Variants in GPBP1 observed in about 807,000 individuals in gnomAD.
GPBP1 encodes vasculin.
Under a neutral mutation model 56.5 loss-of-function variants are expected in GPBP1, and 13 were observed. That is an observed-to-expected ratio of 0.23 (90% CI 0.15 to 0.37). The LOEUF (loss-of-function observed/expected upper bound fraction) is 0.37, where lower values mean the gene tolerates loss of function less well. Among genes scored for constraint, GPBP1 ranks in the 10% least tolerant of loss-of-function variants. The pLI is 1.00. For missense variants in GPBP1, 477 were observed against 572.3 expected (o/e 0.83, Z 1.70); for synonymous variants, 204 against 188.9 (o/e 1.08, Z -0.66).
intron 3 of GPBP1, among the ~76,000 whole-genome samples, chr5:57,219,481 G>C (rs936357462): frequency 1.9e-4 from 28 of 149,976 alleles, no homozygotes; most frequent in Non-Finnish European, 1.5e-5. Flanking sequence ...AAAAAAAAAG[G>C]TACTTGAAAT....
intron 2 of GPBP1, among the ~76,000 whole-genome samples, chr5:57,179,890 C>T (rs1281697523): frequency 1.3e-5 from 2 of 152,104 alleles, no homozygotes; most frequent in Non-Finnish European, 1.5e-5. Flanking sequence ...AGCCACTGGG[C>T]CCGGCCCCTT....
chr5:57,247,955 C>G (rs1480202534), intron 8 of GPBP1, among the ~76,000 whole-genome samples: 1 of 152,098 alleles, frequency 6.6e-6, no homozygotes, highest in African/African-American at 2.4e-5. Context: ...GTTGTCCAGG[C>G]TGGTCTCAAA....
chr5:57,186,210 A>G (rs1754278889), intron 2 of GPBP1, among the ~76,000 whole-genome samples: 1 of 152,030 alleles, frequency 6.6e-6, no homozygotes. Flanking sequence ...CAGCCTGGGC[A>G]ACATACTAAG....
intron 3 of GPBP1, among the ~76,000 whole-genome samples, chr5:57,221,907 A>G (rs1219291142): frequency 6.6e-6 from 1 of 152,240 alleles, no homozygotes; most frequent in Non-Finnish European, 1.5e-5. Flanking sequence ...GTACATAGCC[A>G]GATTTCATTG....
intron 6 of GPBP1, among the ~76,000 whole-genome samples, chr5:57,244,107 G>C (rs534671204): frequency 5.9e-5 from 9 of 152,178 alleles, no homozygotes; most frequent in Non-Finnish European, 8.8e-5. Flanking sequence ...AATTAGTAAG[G>C]ATCTTTTGAA....
intron 2 of GPBP1, among the ~76,000 whole-genome samples, chr5:57,189,004 T>TCTG (rs570610410): frequency 0.015 from 2,236 of 152,210 alleles, 124 homozygotes; most frequent in East Asian, 0.087. Flanking sequence ...CTGTCTGTCT[T>TCTG]TCTTTGCGAC....
chr5:57,215,786 C>T (rs201257103), intron 3 of GPBP1, among the ~76,000 whole-genome samples: 19 of 151,674 alleles, frequency 1.3e-4, no homozygotes, highest in African/African-American at 4.1e-4. Flanking sequence ...CATTACTCCA[C>T]GTGCTAGGTG....
At chr5:57,244,416 A>C (rs1740988463) in intron 6 of GPBP1, among the ~76,000 whole-genome samples, 1 of 152,214 alleles carries the variant, frequency 6.6e-6, no homozygotes, top group South Asian at 2.1e-4. Context: ...ATTGAACTAG[A>C]AGTCTCTGTT....
In GPBP1 at chr5:57,214,065, A is replaced by T; in HGVS notation, c.-57-9A>T. The T allele has an allele frequency of 7.4e-7, 1 of 1,342,420 alleles. No individual in the cohort carries two copies. The highest frequency in any genetic ancestry group is 1.2e-5 in the South Asian group (1 of 84,118). 83.2% of individuals were successfully genotyped at this position (1,342,420 alleles called of 1,614,324 possible). Reference sequence around the variant, plus strand: ...TGCAGGTCTAATTCCTTCCATTTTTATGTGACAGGGACTTGCCATGAGGTG... The same window carrying T: ...TGCAGGTCTAATTCCTTCCATTTTTTTGTGACAGGGACTTGCCATGAGGTG... On this transcript the variant is annotated splice_polypyrimidine_tract_variant and intron_variant, in intron 2 of 11. Coordinates refer to ENST00000506184, the MANE Select transcript of GPBP1 (RefSeq NM_022913.4).
intron 2 of GPBP1, among the ~76,000 whole-genome samples, chr5:57,207,837 T>A (rs975785710): frequency 6.6e-6 from 1 of 152,110 alleles, no homozygotes; most frequent in Non-Finnish European, 1.5e-5. Flanking sequence ...CCTTCTTTGG[T>A]CGATGGCCTG....
chr5:57,235,426 G>T (rs879721594), intron 5 of GPBP1, among the ~76,000 whole-genome samples: 2,396 of 136,788 alleles, frequency 0.018, 20 homozygotes, highest in Middle Eastern at 0.036. Flanking sequence ...TTTTTTTTTT[G>T]TTTTAAATGA....
chr5:57,260,978 T>TGAACTCC (rs1158424325), intron 10 of GPBP1, among the ~76,000 whole-genome samples: 13 of 152,340 alleles, frequency 8.5e-5, no homozygotes, highest in African/African-American at 2.6e-4. Context: ...TTCATTCTAA[T>TGAACTCC]TTTAATATCA....
At chr5:57,174,734 G>A (rs1161873890) in intron 1 of GPBP1, among the ~76,000 whole-genome samples, 1 of 152,202 alleles carries the variant, frequency 6.6e-6, no homozygotes, top group African/African-American at 2.4e-5. Flanking sequence ...GGGTCTGAGG[G>A]GACATGTGCA....
At chr5:57,224,825 A>G (rs545067514) in intron 3 of GPBP1, among the ~76,000 whole-genome samples, 1 of 152,052 alleles carries the variant, frequency 6.6e-6, no homozygotes, top group South Asian at 2.1e-4. Context: ...CTTGGCCAAA[A>G]TGGAATCTAA....
At position 57,197,393 on chromosome 5, in the gene GPBP1, G is replaced by A. The variant is rs184938688; in HGVS notation, c.-57-16681G>A. On this transcript the variant is annotated intron_variant, in intron 2 of 11. Transcript: ENST00000506184. ...TTTTTTTTTTGGACAGTCTCGCTCC[G>A]TCGCTCATGCTGGAGTGTGCATTGG... Among the ~76,000 whole-genome samples the A allele has an allele frequency of 1.4e-3, 164 of 120,908 alleles. 3 individuals are homozygous for A. The Admixed American group carries it at 0.018, about 13-fold the overall frequency. 79.3% of individuals were successfully genotyped at this position (120,908 alleles called of 152,430 possible).
In GPBP1 at chr5:57,261,177, C is replaced by T; in HGVS notation, c.1161-3C>T. On this transcript the variant is annotated splice_polypyrimidine_tract_variant and splice_region_variant and intron_variant, in intron 10 of 11. Transcript: ENST00000506184. Reference sequence around the variant, plus strand: ...ATTAAACTTAATTTCCTCTCCTTTTCAGATTGTTAAAGGAAATGGGCTGGC... The same window carrying T: ...ATTAAACTTAATTTCCTCTCCTTTTTAGATTGTTAAAGGAAATGGGCTGGC... 1 of 1,586,188 alleles carries T rather than the reference C, an allele frequency of 6.3e-7. No homozygotes were observed. The highest frequency in any genetic ancestry group is 1.1e-5 in the South Asian group (1 of 90,502).
At chr5:57,182,753 G>A (rs577147964) in intron 2 of GPBP1, among the ~76,000 whole-genome samples, 2 of 151,976 alleles carry the variant, frequency 1.3e-5, no homozygotes, top group South Asian at 2.1e-4. Context: ...GTGCAGTCAC[G>A]GCTCACTGCC....
intron 1 of GPBP1, among the ~76,000 whole-genome samples, chr5:57,174,943 G>A (rs1202228336): frequency 6.6e-6 from 1 of 152,096 alleles, no homozygotes; most frequent in Admixed American, 6.5e-5. Context: ...CACCTTTCTG[G>A]CCTTACTGGG....
At chr5:57,187,085 A>G (rs1289757337) in intron 2 of GPBP1, among the ~76,000 whole-genome samples, 3 of 152,032 alleles carry the variant, frequency 2.0e-5, no homozygotes, top group Non-Finnish European at 4.4e-5. Context: ...ATGCTAGTCC[A>G]TAAATAAAAT....
Sources: gnomAD v4.1 joint callset for allele counts (sites outside exome capture counted in the v4.1 genomes callset) on GRCh38, gnomAD v4.1.1 for gene constraint, MANE v1.5 for transcripts, NCBI Gene and HGNC (gene_info 2026-07-23, HGNC 2026-07-21) for gene names.